Variants in KIF5C observed in about 807,000 individuals in gnomAD.
KIF5C encodes kinesin family member 5C, also known as kinesin heavy chain isoform 5C.
A neutral mutation model predicts 125.2 loss-of-function variants in KIF5C; 18 were observed. The ratio of observed to expected loss-of-function variants is 0.14; its 90% CI spans 0.10 to 0.21. The LOEUF (loss-of-function observed/expected upper bound fraction) is 0.21, where lower values mean the gene tolerates loss of function less well. KIF5C is among the 10% of genes least tolerant of loss of function. The pLI is 1.00. For synonymous variants in KIF5C, 405 were observed against 434.0 expected (o/e 0.93, Z 0.83); for missense variants, 780 against 1,183.8 (o/e 0.66, Z 5.01).
chr2:148,877,918 T>C (rs1017231484), intron 1 of KIF5C: 2 of 152,206 alleles, frequency 1.3e-5, no homozygotes, highest in Non-Finnish European at 2.9e-5. Flanking sequence ...TAAATAAACA[T>C]ATATTAGTGG....
At chr2:148,985,800 G>A (rs1681367120) in intron 15 of KIF5C, among the ~76,000 whole-genome samples, 1 of 152,174 alleles carries the variant, frequency 6.6e-6, no homozygotes, top group South Asian at 2.1e-4. Flanking sequence ...AATGTTGAAA[G>A]CCGTTTTTGG....
intron 1 of KIF5C, among the ~76,000 whole-genome samples, chr2:148,897,918 CAAAAAAAAAAAAAAAAAAAAAAA>C (rs55762538): frequency 5.7e-3 from 116 of 20,458 alleles, no homozygotes; most frequent in Non-Finnish European, 6.2e-3. Context: ...GACTCAGTCT[CAAAAAAAAAAAAAAAAAAAAAAA>C]AAAAAAAAAA....
rs1034174244 is a variant in KIF5C, at chr2:149,024,335, A to G, written c.*1265A>G. On this transcript the variant is annotated 3_prime_UTR_variant, in exon 26 of 26. Transcript: ENST00000435030. Reference sequence around the variant, plus strand: ...GACTGTGCTGCTATTTGTTTTGACAAATTTGGGGGTAAGTCAATGACAACC... The same window carrying G: ...GACTGTGCTGCTATTTGTTTTGACAGATTTGGGGGTAAGTCAATGACAACC... 8 of 152,432 alleles carry G rather than the reference A, an allele frequency of 5.2e-5. No homozygotes were observed. The highest frequency in any genetic ancestry group is 2.0e-4 in the Admixed American group (3 of 15,250). The allele number at this position is 152,432 out of a possible 1,614,324, so 9.4% of individuals were successfully genotyped here.
intron 10 of KIF5C, among the ~76,000 whole-genome samples, chr2:148,960,069 C>G (rs1682889855): frequency 6.6e-6 from 1 of 152,204 alleles, no homozygotes; most frequent in Admixed American, 6.5e-5. Context: ...GCAATTTGAG[C>G]AGGTGGTCTG....
chr2:148,981,492 G>A lies in KIF5C; in HGVS notation c.1500G>A (p.Gln500=). 1.9e-6 allele frequency: 3 copies of A among 1,607,496 alleles called. No homozygotes were observed. The highest frequency in any genetic ancestry group is 1.7e-6 in the Non-Finnish European group (2 of 1,176,958). Residue 500 remains glutamine (Q), a synonymous_variant, in exon 14 of 26, where the codon CAG becomes CAA. Coordinates refer to ENST00000435030, the MANE Select transcript of KIF5C (RefSeq NM_004522.3). ...ALEELAVNYD[Q]KSQEVEDKTR... is the part of the protein sequence containing the mutation. ...AGGAGCTGGCTGTCAATTATGACCA[G>A]AAATCACAGGAAGTGGAGGATAAGA...
rs373977788 is a variant in KIF5C at position 149,009,156 on chromosome 2, A to AT, written c.2551-972dup. Among the ~76,000 whole-genome samples, 1,192 of 151,266 alleles carry AT rather than the reference A, an allele frequency of 7.9e-3. 22 individuals are homozygous for AT. The highest frequency in any genetic ancestry group is 0.027 in the African/African-American group (1,097 of 41,220). ...AGGTGCGCGCCACCACTCCTGGCTA[A>AT]TTTTTTTGTATTTTTAGTAGAGACA... On this transcript the variant is annotated intron_variant, in intron 23 of 25. Transcript: ENST00000435030.
intron 1 of KIF5C, among the ~76,000 whole-genome samples, chr2:148,915,588 T>G (rs982429003): frequency 3.7e-4 from 56 of 152,256 alleles, no homozygotes; most frequent in African/African-American, 1.3e-3. Context: ...CAACCAAATG[T>G]GATGGCTTCA....
intron 25 of KIF5C, chr2:149,020,462 G>C (rs1039436524): frequency 6.6e-6 from 1 of 152,352 alleles, no homozygotes; most frequent in African/African-American, 2.4e-5. Context: ...GCTGAATCTT[G>C]CCCAGCGGGG....
In KIF5C at chr2:148,914,532, T is replaced by C. The variant is rs1032061720; in HGVS notation, c.127-7605T>C. On this transcript the variant is annotated intron_variant, in intron 1 of 25. Coordinates refer to ENST00000435030, the MANE Select transcript of KIF5C (RefSeq NM_004522.3). ...AATTTTGGCAGAAAGGAAAGAATTC[T>C]AGCCTGGTTTCCCGCAGGAAGGCTT... Among the ~76,000 whole-genome samples, 3 of 152,282 alleles carry C rather than the reference T, an allele frequency of 2.0e-5. No homozygotes were observed. In the South Asian group the frequency reaches 6.2e-4, roughly 31 times the overall value.
intron 3 of KIF5C, among the ~76,000 whole-genome samples, chr2:148,936,174 CAGCTACTAGGGA>C (rs1489291621): frequency 1.3e-5 from 2 of 152,112 alleles, no homozygotes; most frequent in Non-Finnish European, 2.9e-5. Flanking sequence ...CCTGTAGTTC[CAGCTACTAGGGA>C]AGCTGAGGAT....
chr2:148,953,186 A>T (rs1197085729), intron 10 of KIF5C, among the ~76,000 whole-genome samples: 1 of 152,250 alleles, frequency 6.6e-6, no homozygotes, highest in Non-Finnish European at 1.5e-5. Context: ...CCACTGCACA[A>T]CTAGTTCACA....
chr2:148,929,366 A>G lies in KIF5C; in HGVS notation c.291+12A>G, dbSNP rs1193445780. On this transcript the variant is annotated intron_variant, in intron 3 of 25. Coordinates refer to ENST00000435030, the MANE Select transcript of KIF5C (RefSeq NM_004522.3). ...CCCACACCATGGAGGTAAGATTACA[A>G]TGTGCTCTAATGCGAATCTCTGAGA... 16 of 1,494,502 alleles carry G rather than the reference A, an allele frequency of 1.1e-5. No homozygotes were observed. Among genetic ancestry groups the G allele is most frequent in the Non-Finnish European group, 1.4e-5 (15 of 1,108,122 alleles). The allele number at this position is 1,494,502 out of a possible 1,614,324, so 92.6% of individuals were successfully genotyped here. A position where few individuals can be genotyped will look rare whatever the true frequency, so the allele number is the denominator to read the frequency against.
chr2:149,010,253 C>T lies in KIF5C; in HGVS notation c.2669C>T (p.Ala890Val). The change falls in exon 24 of 26, where the codon GCC becomes GTC. Residue 890 changes from alanine (A) to valine (V), a missense_variant. By Grantham distance (64) the Ala-to-Val change is moderately conservative. Coordinates refer to ENST00000435030, the MANE Select transcript of KIF5C (RefSeq NM_004522.3). ...GCGCTGAAGGAGGCCAAGGAGAACG[C>T]CATGCGGGACCGTAAGCGCTACCAG... The part of the protein sequence containing the change: ...ESALKEAKEN[A>V]MRDRKRYQQE... 1 of 1,589,696 alleles carries T rather than the reference C, an allele frequency of 6.3e-7. No individual in the cohort carries two copies. Among genetic ancestry groups the T allele is most frequent in the Non-Finnish European group, 8.6e-7 (1 of 1,168,526 alleles).
chr2:148,927,054 TAC>T (rs1353559702), intron 2 of KIF5C, among the ~76,000 whole-genome samples: 1 of 152,196 alleles, frequency 6.6e-6, no homozygotes, highest in Non-Finnish European at 1.5e-5. Flanking sequence ...ATTCTCCAAG[TAC>T]AGTCTTGCAC....
intron 1 of KIF5C, among the ~76,000 whole-genome samples, chr2:148,916,821 A>C (rs1681572512): frequency 6.6e-6 from 1 of 152,178 alleles, no homozygotes; most frequent in Non-Finnish European, 1.5e-5. Flanking sequence ...AAGTGATTTT[A>C]AAGTGGAACT....
rs753025305 is a variant in KIF5C at position 148,983,602 on chromosome 2, T to C, written c.1570-18T>C. 1 of 1,542,966 alleles carries C rather than the reference T, an allele frequency of 6.5e-7. No individual in the cohort carries two copies. Among genetic ancestry groups the C allele is most frequent in the East Asian group, 2.3e-5 (1 of 43,912 alleles). On this transcript the variant is annotated intron_variant, in intron 14 of 25. Transcript: ENST00000435030. ...GATGGGCAACCCTTTGAATTTGTTG[T>C]TGAAATTTGTTTTTCAGACTACATT...
At chr2:148,909,946 T>G (rs1681266342) in intron 1 of KIF5C, among the ~76,000 whole-genome samples, 1 of 152,240 alleles carries the variant, frequency 6.6e-6, no homozygotes, top group Non-Finnish European at 1.5e-5. Context: ...GATATTATAA[T>G]GCTAACCTTG....
At chr2:148,928,443 GA>G (rs1453158309) in intron 2 of KIF5C, among the ~76,000 whole-genome samples, 1 of 152,232 alleles carries the variant, frequency 6.6e-6, no homozygotes, top group Non-Finnish European at 1.5e-5. Context: ...AAGCAGGAGA[GA>G]AATGAGTGCT....
intron 1 of KIF5C, among the ~76,000 whole-genome samples, chr2:148,895,601 G>A (rs1681818133): frequency 1.3e-5 from 2 of 151,786 alleles, no homozygotes; most frequent in African/African-American, 4.8e-5. Context: ...GTTTCAAATG[G>A]TCAAAAAACA....
Sources: allele counts gnomAD v4.1 joint callset (sites outside exome capture counted in the v4.1 genomes callset), GRCh38; gene constraint gnomAD v4.1.1; transcripts MANE v1.5; gene names NCBI Gene and HGNC (gene_info 2026-07-23, HGNC 2026-07-21).